Variants in PHF21A observed in about 807,000 individuals in gnomAD.
PHF21A encodes the protein BHC80a.
A neutral mutation model predicts 82.5 loss-of-function variants in PHF21A; 11 were observed. The observed-to-expected ratio is 0.13, with a 90% confidence interval of 0.08 to 0.22. The LOEUF (loss-of-function observed/expected upper bound fraction) is 0.22, where lower values mean the gene tolerates loss of function less well. Ranked by LOEUF, PHF21A falls within the 10% of genes least tolerant of loss-of-function variation. PHF21A has a pLI of 1.00. For missense variants in PHF21A, 579 were observed against 837.8 expected (o/e 0.69, Z 3.81); for synonymous variants, 297 against 302.8 (o/e 0.98, Z 0.20).
At chr11:46,073,851 C>A in intron 6 of PHF21A, among the ~76,000 whole-genome samples, 1 of 152,176 alleles carries the variant, frequency 6.6e-6, no homozygotes, top group East Asian at 1.9e-4. Flanking sequence ...GGTCAAGAAG[C>A]TGACTTTGAA....
chr11:46,008,513 T>TG (rs1236664184), intron 6 of PHF21A, among the ~76,000 whole-genome samples: 4 of 152,080 alleles, frequency 2.6e-5, no homozygotes, highest in Non-Finnish European at 4.4e-5. Context: ...AGCTACTCCA[T>TG]GGGTCAAAGG....
intron 6 of PHF21A, among the ~76,000 whole-genome samples, chr11:46,005,394 T>G (rs1412165022): frequency 2.6e-5 from 4 of 152,216 alleles, no homozygotes; most frequent in Non-Finnish European, 5.9e-5. Context: ...GCACAATATA[T>G]TAACGCCTTG....
At chr11:45,943,565 T>C (rs1446065203) in intron 15 of PHF21A, among the ~76,000 whole-genome samples, 1 of 152,224 alleles carries the variant, frequency 6.6e-6, no homozygotes, top group Non-Finnish European at 1.5e-5. Flanking sequence ...GGCCCTTTTC[T>C]TCTGCATATT....
chr11:46,063,985 C>T (rs1007379126), intron 6 of PHF21A, among the ~76,000 whole-genome samples: 3 of 152,164 alleles, frequency 2.0e-5, no homozygotes, highest in Admixed American at 2.0e-4. Flanking sequence ...AATAAAATCA[C>T]ATACTCAGAA....
chr11:45,934,307 T>C (rs1461242254), intron 18 of PHF21A, 82 bp from the exon 19 acceptor site: 1 of 1,369,638 alleles, frequency 7.3e-7, no homozygotes, highest in African/African-American at 1.4e-5. Context: ...GAGCGCCTTC[T>C]CTCTGCCCAG....
At chr11:45,979,342 T>A (rs967436238) in intron 7 of PHF21A, among the ~76,000 whole-genome samples, 2 of 152,120 alleles carry the variant, frequency 1.3e-5, no homozygotes, top group African/African-American at 4.8e-5. Context: ...AAATGCTTCT[T>A]TCTATCTGGT....
rs560742405 is a variant in PHF21A at position 46,056,338 on chromosome 11, C to T, written c.153+20416G>A. On this transcript the variant is annotated intron_variant, in intron 6 of 18. Coordinates refer to ENST00000676320, the MANE Select transcript of PHF21A (RefSeq NM_001352027.3). ...GACTTTACATTTTCACTGGCTTGGGCTGTGTGGGTCAGTTTCTATGACAAA... is the reference window on the plus strand; with the variant it reads ...GACTTTACATTTTCACTGGCTTGGGTTGTGTGGGTCAGTTTCTATGACAAA... Among the ~76,000 whole-genome samples, 4 of 152,180 alleles carry T rather than the reference C, an allele frequency of 2.6e-5. No homozygotes were observed. The East Asian group carries it at 7.7e-4, about 29-fold the overall frequency.
chr11:45,968,845 C>T (rs1169046455), intron 9 of PHF21A, among the ~76,000 whole-genome samples: 1 of 149,824 alleles, frequency 6.7e-6, no homozygotes, highest in East Asian at 2.0e-4. Context: ...GAAGGAGAAT[C>T]GCTTGAACCT....
At chr11:45,971,460 GAAAAC>G in intron 7 of PHF21A, 93 bp from the exon 8 acceptor site, 1 of 1,167,378 alleles carries the variant, frequency 8.6e-7, no homozygotes, top group Non-Finnish European at 1.2e-6. Context: ...AACCTTGGAA[GAAAAC>G]AAAACAATAA....
At chr11:45,963,317 G>A (rs1009676516) in intron 10 of PHF21A, among the ~76,000 whole-genome samples, 2 of 151,772 alleles carry the variant, frequency 1.3e-5, no homozygotes, top group South Asian at 2.1e-4. Context: ...CTACTTGGGA[G>A]GCTGAGGCAG....
chr11:45,954,014 G>C (rs928301925), intron 10 of PHF21A, among the ~76,000 whole-genome samples: 1 of 152,118 alleles, frequency 6.6e-6, no homozygotes, highest in African/African-American at 2.4e-5. Context: ...TTGTTGTTTT[G>C]AGATGGAGTT....
chr11:45,971,890 C>CTTTCTTTTTCTTTTTTTTTTTTTTTTTT, intron 7 of PHF21A, among the ~76,000 whole-genome samples: 1 of 50,294 alleles, frequency 2.0e-5, no homozygotes. Flanking sequence ...CTTTTTCTTT[C>CTTTCTTTTTCTTTTTTTTTTTTTTTTTT]TTTTTTTTTT....
chr11:46,023,681 C>A (rs912852205), intron 6 of PHF21A, among the ~76,000 whole-genome samples: 2 of 152,190 alleles, frequency 1.3e-5, no homozygotes, highest in Non-Finnish European at 2.9e-5. Context: ...GGAGGCCAGG[C>A]GCAGTGGCTC....
At chr11:45,975,622 T>C (rs531309182) in intron 7 of PHF21A, among the ~76,000 whole-genome samples, 1 of 152,328 alleles carries the variant, frequency 6.6e-6, no homozygotes, top group East Asian at 1.9e-4. Flanking sequence ...ATTATGCCAT[T>C]AAAAATTAGA....
intron 9 of PHF21A, among the ~76,000 whole-genome samples, chr11:45,968,873 G>A (rs1367075742): frequency 6.7e-6 from 1 of 148,852 alleles, no homozygotes; most frequent in African/African-American, 2.5e-5. Context: ...GGAGATTGCA[G>A]TGAGCCTAGA....
intron 6 of PHF21A, among the ~76,000 whole-genome samples, chr11:46,052,980 T>G (rs1276960966): frequency 1.3e-5 from 2 of 152,286 alleles, no homozygotes; most frequent in East Asian, 1.9e-4. Flanking sequence ...AATTCTCACA[T>G]GAAGGCAAAT....
chr11:46,035,841 G>A (rs561634526), intron 6 of PHF21A, among the ~76,000 whole-genome samples: 13 of 152,160 alleles, frequency 8.5e-5, no homozygotes, highest in Non-Finnish European at 1.3e-4. Flanking sequence ...AGAGGTTGGA[G>A]AAAGTAGGTA....
At chr11:46,113,698 C>T (rs1009826149) in intron 1 of PHF21A, among the ~76,000 whole-genome samples, 2 of 151,792 alleles carry the variant, frequency 1.3e-5, no homozygotes, top group African/African-American at 4.8e-5. Flanking sequence ...TGGTGGCGCA[C>T]GCCTGTAGTC....
intron 6 of PHF21A, among the ~76,000 whole-genome samples, chr11:46,063,930 G>A (rs1374673581): frequency 6.6e-6 from 1 of 152,092 alleles, no homozygotes; most frequent in Non-Finnish European, 1.5e-5. Context: ...AAAATCTTAT[G>A]TGAATTTGTC....
Sources: allele counts gnomAD v4.1 joint callset (sites outside exome capture counted in the v4.1 genomes callset), GRCh38; gene constraint gnomAD v4.1.1; transcripts MANE v1.5; gene names NCBI Gene and HGNC (gene_info 2026-07-23, HGNC 2026-07-21).